Variants in MTHFD1L observed in about 807,000 individuals in gnomAD.
MTHFD1L encodes methylenetetrahydrofolate dehydrogenase (NADP+ dependent) 1 like.
In MTHFD1L, 81 loss-of-function variants were observed where a neutral mutation model predicts 119.5. The observed-to-expected ratio is 0.68, with a 90% CI of 0.57 to 0.82. The LOEUF is 0.82. Ranked by LOEUF, MTHFD1L falls within the 40% of genes least tolerant of loss-of-function variation. The probability of loss-of-function intolerance (pLI) is 0.00; values close to 1 mark genes in which losing one functional copy is unlikely to be tolerated. For synonymous variants in MTHFD1L, 430 were observed against 475.2 expected, an observed-to-expected ratio of 0.90 and a Z score of 1.24; for missense variants, 1,125 against 1,253.4, an observed-to-expected ratio of 0.90 and a Z score of 1.55.
In MTHFD1L at chr6:151,002,486, T is replaced by G. The variant is rs9478910; in HGVS notation, c.2126-7333T>G. On this transcript the variant is annotated intron_variant, in intron 20 of 27. Transcript: ENST00000367321. ...ATGGTTTTTCCCCATCGTGTGCACATTGAGCGGTAAGGCGGACAGCTGCCG... is the reference window on the plus strand; with the variant it reads ...ATGGTTTTTCCCCATCGTGTGCACAGTGAGCGGTAAGGCGGACAGCTGCCG... 2.0e-5 allele frequency among the ~76,000 whole-genome samples: 3 copies of G among 152,012 alleles called. No homozygotes were observed. In the East Asian group the frequency reaches 5.8e-4, roughly 29 times the overall value.
intron 18 of MTHFD1L, 46 bp downstream of exon 18, chr6:150,960,461 T>C: frequency 6.4e-7 from 1 of 1,553,926 alleles, no homozygotes; most frequent in Non-Finnish European, 8.7e-7. Context: ...ACGGTCCTCG[T>C]TCTTCGTTAC....
chr6:150,926,302 C>A lies in MTHFD1L; in HGVS notation c.1256+7C>A. On this transcript the variant is annotated splice_region_variant and intron_variant, in intron 11 of 27. Coordinates refer to ENST00000367321, the MANE Select transcript of MTHFD1L (RefSeq NM_015440.5). This position sits in a 1 kb window ranked among gnomAD's most constrained non-coding sequence, Gnocchi z 4.3. ...AATACGTCTTAGTTGCTGGGTAAGA[C>A]ACCATCTAACATCTACTTGATCAAG... 1.2e-6 allele frequency: 2 copies of A among 1,605,846 alleles called. No individual in the cohort carries two copies. Among genetic ancestry groups the A allele is most frequent in the Non-Finnish European group, 1.7e-6 (2 of 1,173,754 alleles).
intron 23 of MTHFD1L, 31 bp from the exon 24 acceptor site, chr6:151,015,485 G>A (rs1032603116): frequency 3.2e-6 from 5 of 1,584,694 alleles, no homozygotes; most frequent in Non-Finnish European, 4.3e-6. Context: ...AATGGATACA[G>A]ATGCAAAACC....
chr6:151,025,473 G>C (rs575782371), intron 24 of MTHFD1L, among the ~76,000 whole-genome samples: 1 of 152,340 alleles, frequency 6.6e-6, no homozygotes, highest in South Asian at 2.1e-4. Context: ...TGAAGTACAG[G>C]AAAGGCTGCT....
At chr6:150,922,117 C>A in intron 9 of MTHFD1L, 88 bp from the exon 10 acceptor site, 1 of 929,540 alleles carries the variant, frequency 1.1e-6, no homozygotes, top group Non-Finnish European at 1.7e-6. Flanking sequence ...TGTTTTGTAA[C>A]ATCCACAAAC....
intron 8 of MTHFD1L, among the ~76,000 whole-genome samples, chr6:150,908,064 A>ATT (rs577851058): frequency 1.4e-4 from 19 of 136,664 alleles, no homozygotes; most frequent in African/African-American, 4.0e-4. Flanking sequence ...CGCCTGGCCA[A>ATT]TTTTTTTTTT....
At position 151,055,521 on chromosome 6, in the gene MTHFD1L, CT is replaced by C. The variant is rs1335987382; in HGVS notation, c.2847+18420del. Among the ~76,000 whole-genome samples the C allele has an allele frequency of 3.1e-3, 435 of 142,472 alleles. 1 individual carries two copies. The highest frequency in any genetic ancestry group is 7.4e-3 in the Middle Eastern group (2 of 272). The allele number at this position is 142,472 out of a possible 152,430, so 93.5% of individuals were successfully genotyped here. A position where few individuals can be genotyped will look rare whatever the true frequency, so the allele number is the denominator to read the frequency against. ...ATTATATACTATGTTTGTGCTGAAT[CT>C]TTTTTTTTTTTTTTTGTTTTTGGAG... On this transcript the variant is annotated intron_variant, in intron 26 of 27. Transcript: ENST00000367321.
At chr6:150,937,320 C>T (rs2128938377) in intron 12 of MTHFD1L, among the ~76,000 whole-genome samples, 2 of 152,298 alleles carry the variant, frequency 1.3e-5, no homozygotes, top group East Asian at 3.9e-4. Context: ...AGTCTCGGCT[C>T]ATTGGAGTTG....
intron 20 of MTHFD1L, among the ~76,000 whole-genome samples, chr6:150,987,656 C>T (rs1778491060): frequency 6.6e-6 from 1 of 152,282 alleles, no homozygotes; most frequent in Non-Finnish European, 1.5e-5. Flanking sequence ...GGCCCCACAG[C>T]CTTTGCTTTT....
chr6:151,039,688 G>A lies in MTHFD1L; in HGVS notation c.2847+2571G>A, dbSNP rs527586781. On this transcript the variant is annotated intron_variant, in intron 26 of 27. Coordinates refer to ENST00000367321, the MANE Select transcript of MTHFD1L (RefSeq NM_015440.5). The surrounding 1 kb of genome is among the most constrained non-coding windows in gnomAD (Gnocchi z 4.4). Reference sequence around the variant, plus strand: ...TCCCAGCACTTTGGGAGGCCGAGGCGGGCGGATCACAAGGTCAGGAGTTCG... The same window carrying A: ...TCCCAGCACTTTGGGAGGCCGAGGCAGGCGGATCACAAGGTCAGGAGTTCG... 7.9e-5 allele frequency among the ~76,000 whole-genome samples: 12 copies of A among 152,244 alleles called. No homozygotes were observed. Among genetic ancestry groups the A allele is most frequent in the East Asian group, 5.8e-4 (3 of 5,176 alleles).
intron 24 of MTHFD1L, among the ~76,000 whole-genome samples, chr6:151,016,559 G>A (rs1783092519): frequency 6.6e-6 from 1 of 151,766 alleles, no homozygotes; most frequent in Non-Finnish European, 1.5e-5. Context: ...CTGATCTCAT[G>A]GTTCACCCAC....
intron 26 of MTHFD1L, among the ~76,000 whole-genome samples, chr6:151,077,278 TA>T (rs1792616162): frequency 6.6e-6 from 1 of 152,158 alleles, no homozygotes; most frequent in African/African-American, 2.4e-5. Context: ...AAGAGGATAC[TA>T]AAAGCTTTCA....
chr6:150,917,373 A>C (rs1338234709), intron 8 of MTHFD1L, among the ~76,000 whole-genome samples: 2 of 152,114 alleles, frequency 1.3e-5, no homozygotes, highest in African/African-American at 4.8e-5. Context: ...AAATACAAAA[A>C]TTAGCCGGGA....
chr6:151,076,893 A>C (rs78888580), intron 26 of MTHFD1L, among the ~76,000 whole-genome samples: 2 of 152,238 alleles, frequency 1.3e-5, no homozygotes, highest in African/African-American at 2.4e-5. Flanking sequence ...TGTTCGTAGC[A>C]GCTTTTTTGT....
chr6:150,964,938 C>T, intron 18 of MTHFD1L, 31 bp from the exon 19 acceptor site: 2 of 1,604,602 alleles, frequency 1.2e-6, no homozygotes. Flanking sequence ...GATATTTTGT[C>T]AGGAATCTAA....
intron 26 of MTHFD1L, among the ~76,000 whole-genome samples, chr6:151,087,821 T>G (rs1027459098): frequency 9.2e-5 from 14 of 152,226 alleles, no homozygotes; most frequent in Non-Finnish European, 7.3e-5. Context: ...GGGTAGAGAT[T>G]CAGAAGCTTC....
intron 20 of MTHFD1L, among the ~76,000 whole-genome samples, chr6:150,972,527 C>T (rs573533145): frequency 1.3e-5 from 2 of 152,320 alleles, no homozygotes; most frequent in East Asian, 3.9e-4. Context: ...GCACATGCCT[C>T]GCTACTCAGG....
intron 4 of MTHFD1L, among the ~76,000 whole-genome samples, chr6:150,880,302 C>G (rs1413066680): frequency 1.3e-5 from 2 of 152,162 alleles, no homozygotes; most frequent in Non-Finnish European, 2.9e-5. Flanking sequence ...ATTCTATTCT[C>G]TATTTCTATG....
In MTHFD1L at chr6:150,985,819, C is replaced by T. The variant is rs998963319; in HGVS notation, c.2125+13761C>T. On this transcript the variant is annotated intron_variant, in intron 20 of 27. Coordinates refer to ENST00000367321, the MANE Select transcript of MTHFD1L (RefSeq NM_015440.5). ...CGTCACTGGTGCCTCGTGCCATTTC[C>T]GTGCCTTTCCCTGTCTTGCCTCAGC... Among the ~76,000 whole-genome samples the T allele has an allele frequency of 3.9e-5, 6 of 152,256 alleles. No homozygotes were observed. In the East Asian group the frequency reaches 7.7e-4, roughly 20 times the overall value.
Sources: gnomAD v4.1 joint callset for allele counts (sites outside exome capture counted in the v4.1 genomes callset) on GRCh38, gnomAD v4.1.1 for gene constraint, Gnocchi (gnomAD v3.1) non-coding constraint, MANE v1.5 for transcripts, NCBI Gene and HGNC (gene_info 2026-07-23, HGNC 2026-07-21) for gene names.